ZPLD1: variants seen among roughly 807,000 people sequenced by gnomAD.
ZPLD1 encodes zona pellucida like domain containing 1.
ZPLD1 carries 34 observed loss-of-function variants against 47.2 expected under a neutral mutation model. That is an observed-to-expected ratio of 0.72 (90% CI 0.55 to 0.96). The LOEUF is 0.96. Ranked by LOEUF, ZPLD1 falls within the 40% of genes least tolerant of loss-of-function variation. ZPLD1 has a pLI of 0.00. For synonymous variants in ZPLD1, 176 were observed against 186.2 expected (o/e 0.95, Z 0.45); for missense variants, 512 against 505.8 (o/e 1.01, Z -0.12).
intron 6 of ZPLD1, among the ~76,000 whole-genome samples, chr3:102,460,598 A>G (rs75677544): frequency 0.03 from 4,630 of 152,074 alleles, 189 homozygotes; most frequent in African/African-American, 0.095. Context: ...GGTTATTATA[A>G]TTATGAACAT....
intron 7 of ZPLD1, among the ~76,000 whole-genome samples, chr3:102,405,517 G>T (rs549996406): frequency 6.6e-6 from 1 of 152,086 alleles, no homozygotes; most frequent in East Asian, 1.9e-4. Flanking sequence ...TAAGGAACAA[G>T]AACCTAAAAT....
At chr3:102,449,581 G>T (rs1388969803) in intron 3 of ZPLD1, among the ~76,000 whole-genome samples, 5 of 152,072 alleles carry the variant, frequency 3.3e-5, no homozygotes, top group Admixed American at 6.6e-5. Context: ...GCTTATCCAT[G>T]GTCCATTATC....
At chr3:102,460,645 T>C (rs1290866394) in intron 6 of ZPLD1, among the ~76,000 whole-genome samples, 1 of 151,982 alleles carries the variant, frequency 6.6e-6, no homozygotes, top group African/African-American at 2.4e-5. Flanking sequence ...ATGGATATAA[T>C]TGATTTTAGG....
intron 3 of ZPLD1, among the ~76,000 whole-genome samples, chr3:102,450,688 T>A (rs1420103279): frequency 6.6e-6 from 1 of 152,008 alleles, no homozygotes; most frequent in African/African-American, 2.4e-5. Context: ...TTGAAGGACA[T>A]TAAGACTGGA....
At chr3:102,426,297 C>T (rs991561330) in intron 8 of ZPLD1, among the ~76,000 whole-genome samples, 3 of 152,034 alleles carry the variant, frequency 2.0e-5, no homozygotes, top group Non-Finnish European at 2.9e-5. Flanking sequence ...GCAGGTAGTT[C>T]GCCTGAGGTC....
At chr3:102,470,148 G>C (rs966819851) in intron 9 of ZPLD1, among the ~76,000 whole-genome samples, 2 of 152,174 alleles carry the variant, frequency 1.3e-5, no homozygotes, top group African/African-American at 2.4e-5. Context: ...TTTCAAGAGA[G>C]CCATTGAGCT....
At chr3:102,442,637 G>A (rs972433085) in intron 3 of ZPLD1, among the ~76,000 whole-genome samples, 5 of 152,186 alleles carry the variant, frequency 3.3e-5, no homozygotes, top group South Asian at 4.1e-4. Context: ...CAAGCTGCTC[G>A]GAGGCTAAGC....
intron 2 of ZPLD1, among the ~76,000 whole-genome samples, chr3:102,437,739 C>T (rs963066477): frequency 3.9e-5 from 6 of 152,158 alleles, no homozygotes; most frequent in African/African-American, 1.2e-4. Context: ...ACTGTTCAAC[C>T]CACACTGATA....
intron 7 of ZPLD1, among the ~76,000 whole-genome samples, chr3:102,409,724 G>T (rs1239532563): frequency 6.6e-6 from 1 of 151,504 alleles, no homozygotes; most frequent in Non-Finnish European, 1.5e-5. Context: ...TCCATTTTTT[G>T]CTGAAACAGT....
chr3:102,457,935 C>T (rs1707444705), intron 6 of ZPLD1, 82 bp downstream of exon 6: 5 of 1,366,388 alleles, frequency 3.7e-6, no homozygotes, highest in Non-Finnish European at 4.1e-6. Flanking sequence ...ATATAAAAAT[C>T]TACTGAAAGC....
chr3:102,470,470 T>C lies in ZPLD1; in HGVS notation c.1010T>C (p.Val337Ala), dbSNP rs564369703. 9.3e-6 allele frequency: 15 copies of C among 1,613,968 alleles called. No individual in the cohort carries two copies. In the South Asian group the frequency reaches 1.5e-4, roughly 17 times the overall value. Reference sequence around the variant, plus strand: ...CCCCAGAGCTCTTCTGGCAGCGCGGTGCTCTCTGCTGGTCCCATCATTACT... The same window carrying C: ...CCCCAGAGCTCTTCTGGCAGCGCGGCGCTCTCTGCTGGTCCCATCATTACT... ...WSPQSSSGSA[V>A]LSAGPIITRS... Residue 337 changes from valine to alanine, a missense_variant, in exon 10 of 12, where the codon GTG becomes GCG. Val to Ala is a moderately conservative substitution (Grantham distance 64, BLOSUM62 0). Transcript: ENST00000466937.
chr3:102,457,165 A>G (rs932604366), intron 5 of ZPLD1, among the ~76,000 whole-genome samples: 3 of 152,216 alleles, frequency 2.0e-5, no homozygotes, highest in African/African-American at 7.2e-5. Context: ...GCCACATTCT[A>G]CTTCATTGAA....
At chr3:102,394,724 C>T (rs1023098882) in intron 7 of ZPLD1, among the ~76,000 whole-genome samples, 1 of 152,014 alleles carries the variant, frequency 6.6e-6, no homozygotes, top group African/African-American at 2.4e-5. Context: ...GTGGTTTGAC[C>T]CTTTCATTTA....
intron 10 of ZPLD1, 32 bp downstream of exon 10, chr3:102,470,534 T>C (rs767286244): frequency 3.2e-6 from 5 of 1,575,828 alleles, no homozygotes; most frequent in Non-Finnish European, 2.6e-6. Flanking sequence ...TATGTAGTAA[T>C]AGACGGTTCC....
chr3:102,395,291 T>C (rs564334747), intron 7 of ZPLD1, among the ~76,000 whole-genome samples: 9 of 152,236 alleles, frequency 5.9e-5, no homozygotes, highest in African/African-American at 1.9e-4. Context: ...TATATATACG[T>C]ATATGTAAAT....
At chr3:102,387,989 T>A (rs1478530968) in intron 6 of ZPLD1, among the ~76,000 whole-genome samples, 2 of 151,532 alleles carry the variant, frequency 1.3e-5, no homozygotes, top group African/African-American at 4.8e-5. Context: ...GCCTCCCAAG[T>A]AGCTGGAACT....
In ZPLD1 at chr3:102,477,470, TGAACGCCATCACCA is replaced by T; in HGVS notation, c.1102_1115del (p.Asn368ArgfsTer43). The T allele has an allele frequency of 6.2e-7, 1 of 1,613,190 alleles. No individual in the cohort carries two copies. Among genetic ancestry groups the T allele is most frequent in the East Asian group, 2.2e-5 (1 of 44,866 alleles). Reference sequence around the variant, plus strand: ...TCTCCAAGTATGCCTCCCTTCCAGCTGAACGCCATCACCAGCGCACTGATATCAGGAATGGTCAT... The same window carrying T: ...TCTCCAAGTATGCCTCCCTTCCAGCTGCGCACTGATATCAGGAATGGTCAT... On this transcript the variant is annotated frameshift_variant, in exon 12 of 12. Coordinates refer to ENST00000466937, the MANE Select transcript of ZPLD1 (RefSeq NM_001329788.2). LOFTEE classifies it high-confidence loss of function.
rs1378600720 is a variant in ZPLD1, at chr3:102,457,824, G to T, written c.553G>T (p.Val185Phe). ...ISVRENNGTFVSTLNLLLYND... is the reference protein window; with the variant it reads ...ISVRENNGTFFSTLNLLLYND... ...TGTGAGAGAGAACAATGGCACATTT[G>T]TCAGCACTTTGAACCTGCTCCTTTA... The change falls in exon 6 of 12, where the codon GTC becomes TTC. Residue 185 changes from valine (V) to phenylalanine (F), a missense_variant. Val to Phe is a conservative substitution (Grantham distance 50). Transcript: ENST00000466937. The T allele has an allele frequency of 1.9e-6, 3 of 1,613,960 alleles. No homozygotes were observed. The highest frequency in any genetic ancestry group is 3.3e-5 in the Admixed American group (2 of 60,032).
intron 6 of ZPLD1, among the ~76,000 whole-genome samples, chr3:102,388,434 T>TCG (rs1706457802): frequency 7.2e-6 from 1 of 138,874 alleles, no homozygotes; most frequent in African/African-American, 2.7e-5. Context: ...CTGGAGTCTC[T>TCG]CTCTCTCTCT....
Sources: gnomAD v4.1 joint callset for allele counts (sites outside exome capture counted in the v4.1 genomes callset) on GRCh38, gnomAD v4.1.1 for gene constraint, MANE v1.5 for transcripts, NCBI Gene and HGNC (gene_info 2026-07-23, HGNC 2026-07-21) for gene names.